The following IL20 variants were observed in gnomAD, a reference collection of about 807,000 sequenced individuals.
The protein encoded by IL20 is interleukin-20.
IL20 carries 22 observed loss-of-function variants against 19.2 expected under a neutral mutation model. The observed-to-expected ratio is 1.15, with a 90% CI of 0.82 to 1.64. The LOEUF (loss-of-function observed/expected upper bound fraction) is 1.64. IL20 is among the 40% of genes most tolerant of loss of function. The probability of loss-of-function intolerance (pLI) is 0.00; values close to 1 mark genes in which losing one functional copy is unlikely to be tolerated. For synonymous variants in IL20, 70 were observed against 76.2 expected, an observed-to-expected ratio of 0.92 and a Z score of 0.43; for missense variants, 215 against 212.8, an observed-to-expected ratio of 1.01 and a Z score of -0.06.
chr1:206,866,495 A>G lies in IL20; in HGVS notation c.237A>G (p.Arg79=). ...ESLQDTKPAN[R]CCLLRHLLRL... ...GTGGTTTTTTGCAGCCTGCGAATCG[A>G]TGCTGCCTCCTGCGCCATTTGCTAA... Residue 79 remains arginine (R), a synonymous_variant, in exon 4 of 6, where the codon CGA becomes CGG. Coordinates refer to ENST00000367098, the MANE Select transcript of IL20 (RefSeq NM_018724.4). 6.2e-7 allele frequency: 1 copy of G among 1,614,006 alleles called. No individual in the cohort carries two copies. The highest frequency in any genetic ancestry group is 8.5e-7 in the Non-Finnish European group (1 of 1,179,982).
upstream of IL20, among the ~76,000 whole-genome samples, chr1:206,865,072 G>T (rs968256597): frequency 6.6e-6 from 1 of 152,144 alleles, no homozygotes; most frequent in African/African-American, 2.4e-5. The surrounding 1 kb of genome is among the most constrained non-coding windows in gnomAD (Gnocchi z 4.1). Flanking sequence ...GTGTACTCTC[G>T]AATCCACCCA....
upstream of IL20, among the ~76,000 whole-genome samples, chr1:206,864,174 C>T (rs532167112): frequency 2.6e-5 from 4 of 152,242 alleles, no homozygotes; most frequent in South Asian, 2.1e-4. Flanking sequence ...ACTAGTAAAG[C>T]GAGGATTTAT....
Position 206,865,858 on chromosome 1 carries a change from AG to A in IL20, c.7del (p.Ala3ProfsTer23), listed in dbSNP as rs1677528576. The A allele has an allele frequency of 6.2e-7, 1 of 1,613,868 alleles. No homozygotes were observed. The highest frequency in any genetic ancestry group is 1.7e-5 in the Admixed American group (1 of 59,976). MK[A>X]SSLAFSLLSA... ...CTCCAGATTTCAGGCCTAAGATGAA[AG>A]CCTCTAGTCTTGCCTTCAGCCTTCT... On this transcript the variant is annotated frameshift_variant, in exon 2 of 6. Transcript: ENST00000367098. LOFTEE classifies it high-confidence loss of function. This position sits in a 1 kb window ranked among gnomAD's most constrained non-coding sequence, Gnocchi z 4.1.
chr1:206,864,520 T>C (rs1171397031), upstream of IL20, among the ~76,000 whole-genome samples: 1 of 152,132 alleles, frequency 6.6e-6, no homozygotes, highest in African/African-American at 2.4e-5. Context: ...GTAGGTTTAT[T>C]ACGACTCATG....
chr1:206,868,679 G>T lies in IL20; in HGVS notation c.*115G>T. 1 of 570,192 alleles carries T rather than the reference G, an allele frequency of 1.8e-6. No individual in the cohort carries two copies. Among genetic ancestry groups the T allele is most frequent in the Non-Finnish European group, 2.8e-6 (1 of 356,916 alleles). 35.3% of individuals were successfully genotyped at this position (570,192 alleles called of 1,614,324 possible). On this transcript the variant is annotated 3_prime_UTR_variant, in exon 6 of 6. Coordinates refer to ENST00000367098, the MANE Select transcript of IL20 (RefSeq NM_018724.4). ...CTCTTTACTGTACTAGTCTTGTGCT[G>T]GTCACAGTGTATCTTATTTATGCAT...
Position 206,865,835 on chromosome 1 carries a change from C to T in IL20, c.-18C>T. 6.2e-7 allele frequency: 1 copy of T among 1,612,712 alleles called. No individual in the cohort carries two copies. Among genetic ancestry groups the T allele is most frequent in the Non-Finnish European group, 8.5e-7 (1 of 1,179,256 alleles). ...TTTGAATTCCTAGCTCCTGTGGTCT[C>T]CAGATTTCAGGCCTAAGATGAAAGC... On this transcript the variant is annotated 5_prime_UTR_variant, in exon 2 of 6. Transcript: ENST00000367098. This position sits in a 1 kb window ranked among gnomAD's most constrained non-coding sequence, Gnocchi z 4.1.
chr1:206,865,783 G>A lies in IL20; in HGVS notation c.-30-40G>A. The A allele has an allele frequency of 6.3e-7, 1 of 1,583,698 alleles. No homozygotes were observed. The highest frequency in any genetic ancestry group is 1.2e-5 in the South Asian group (1 of 86,264). Reference sequence around the variant, plus strand: ...TCACCCCGTGGACACTTGGAGGAGGGGAAACTCAGTAAGTCATGCTCTCTT... The same window carrying A: ...TCACCCCGTGGACACTTGGAGGAGGAGAAACTCAGTAAGTCATGCTCTCTT... On this transcript the variant is annotated intron_variant, in intron 1 of 5. Transcript: ENST00000367098. The surrounding 1 kb of genome is among the most constrained non-coding windows in gnomAD (Gnocchi z 4.1).
chr1:206,867,676 G>A (rs911703445), intron 5 of IL20, among the ~76,000 whole-genome samples: 4 of 152,120 alleles, frequency 2.6e-5, no homozygotes, highest in Non-Finnish European at 5.9e-5. Context: ...AAAGGGAATG[G>A]CCATGATTCC....
Position 206,868,377 on chromosome 1 carries a change from A to G in IL20, c.454-110A>G, listed in dbSNP as rs573396259. On this transcript the variant is annotated intron_variant, in intron 5 of 5. Coordinates refer to ENST00000367098, the MANE Select transcript of IL20 (RefSeq NM_018724.4). ...AACTTCTTTAAGTGCTTCATCTTGA[A>G]AAGAATGCTCTGCTTACAATTGTCA... The G allele has an allele frequency of 1.3e-4, 72 of 559,638 alleles. No individual in the cohort carries two copies. The African/African-American group carries it at 1.3e-3, about 10-fold the overall frequency. 34.7% of individuals were successfully genotyped at this position (559,638 alleles called of 1,614,324 possible).
In IL20 at chr1:206,866,577, C is replaced by T. The variant is rs373331152; in HGVS notation, c.319C>T (p.Arg107Trp). Residue 107 changes from arginine to tryptophan, a missense_variant, in exon 4 of 6, where the codon CGG becomes TGG. Physicochemically the swap from Arg to Trp is moderately radical, Grantham distance 101. Coordinates refer to ENST00000367098, the MANE Select transcript of IL20 (RefSeq NM_018724.4). ...CCAGACCCCTGACCATTATACTCTC[C>T]GGAAGATCAGCAGCCTCGCCAATTC... is the stretch of plus-strand genomic sequence containing the variant. Reference protein sequence around the residue: ...NYQTPDHYTLRKISSLANSFL... With the variant: ...NYQTPDHYTLWKISSLANSFL... 1.3e-4 allele frequency: 210 copies of T among 1,613,952 alleles called. 4 individuals are homozygous for T. In the South Asian group the frequency reaches 1.8e-3, roughly 14 times the overall value.
At chr1:206,867,289 T>G in intron 4 of IL20, 95 bp from the exon 5 acceptor site, 1 of 995,436 alleles carries the variant, frequency 1.0e-6, no homozygotes, top group Non-Finnish European at 1.6e-6. Context: ...ATCCTCAGGG[T>G]TGTGGGTGAA....
rs749705601 is a variant in IL20 at position 206,866,587 on chromosome 1, G to A, written c.329G>A (p.Ser110Asn). ...TPDHYTLRKISSLANSFLTIK... is the reference protein window; with the variant it reads ...TPDHYTLRKINSLANSFLTIK... ...GACCATTATACTCTCCGGAAGATCAGCAGCCTCGCCAATTCCTTTCTTACC... is the reference window on the plus strand; with the variant it reads ...GACCATTATACTCTCCGGAAGATCAACAGCCTCGCCAATTCCTTTCTTACC... The change falls in exon 4 of 6, where the codon AGC becomes AAC. Residue 110 changes from serine (S) to asparagine (N), a missense_variant. By Grantham distance (46) the Ser-to-Asn change is conservative. Transcript: ENST00000367098. The A allele has an allele frequency of 8.1e-6, 13 of 1,614,156 alleles. No homozygotes were observed. The South Asian group carries it at 1.4e-4, about 18-fold the overall frequency.
At chr1:206,864,753 T>C (rs1245439786), upstream of IL20, among the ~76,000 whole-genome samples, 1 of 152,186 alleles carries the variant, frequency 6.6e-6, no homozygotes, top group Non-Finnish European at 1.5e-5. Flanking sequence ...TTTGTCTTTA[T>C]ATAAAATTTT....
intron 4 of IL20, 100 bp downstream of exon 4, chr1:206,866,736 A>T: frequency 8.5e-7 from 1 of 1,171,414 alleles, no homozygotes; most frequent in Non-Finnish European, 1.2e-6. Context: ...GGATGGAGAA[A>T]CTGAGTCCAA....
rs1677555951 is a variant in IL20 at position 206,866,585 on chromosome 1, C to T, written c.327C>T (p.Ile109=). The change falls in exon 4 of 6, where the codon ATC becomes ATT. Residue 109 remains isoleucine (I), a synonymous_variant. Transcript: ENST00000367098. ...CTGACCATTATACTCTCCGGAAGATCAGCAGCCTCGCCAATTCCTTTCTTA... is the reference window on the plus strand; with the variant it reads ...CTGACCATTATACTCTCCGGAAGATTAGCAGCCTCGCCAATTCCTTTCTTA... ...QTPDHYTLRK[I]SSLANSFLTI... is the part of the protein sequence containing the mutation. 1 of 1,614,030 alleles carries T rather than the reference C, an allele frequency of 6.2e-7. No homozygotes were observed. The highest frequency in any genetic ancestry group is 8.5e-7 in the Non-Finnish European group (1 of 1,180,000).
At position 206,867,476 on chromosome 1, in the gene IL20, A is replaced by G. The variant is rs770415760; in HGVS notation, c.453+18A>G. On this transcript the variant is annotated intron_variant, in intron 5 of 5. Transcript: ENST00000367098. ...TTGAAAAGGTATATGCGACTTTGGC[A>G]TTGATTGGGATGGGTGTGTTTTAAG... 1 of 1,597,610 alleles carries G rather than the reference A, an allele frequency of 6.3e-7. No individual in the cohort carries two copies. Among genetic ancestry groups the G allele is most frequent in the East Asian group, 2.2e-5 (1 of 44,802 alleles).
intron 2 of IL20, 116 bp from the exon 3 acceptor site, chr1:206,866,183 T>C: frequency 1.6e-6 from 2 of 1,216,416 alleles, no homozygotes; most frequent in Non-Finnish European, 2.4e-6. Flanking sequence ...TAAAATGTTT[T>C]GGGAAAGGAC....
At chr1:206,865,576 C>T (rs1051988032), upstream of IL20, 4 of 1,201,912 alleles carry the variant, frequency 3.3e-6, no homozygotes, top group African/African-American at 6.1e-5. This position sits in a 1 kb window ranked among gnomAD's most constrained non-coding sequence, Gnocchi z 4.1. Flanking sequence ...AACGGCGGAG[C>T]CAGGATGGGG....
Position 206,865,699 on chromosome 1 carries a change from G to C in IL20, c.-31+13G>C, listed in dbSNP as rs1572588710. 1.7e-5 allele frequency: 24 copies of C among 1,400,282 alleles called. No individual in the cohort carries two copies. The East Asian group carries it at 6.0e-4, about 35-fold the overall frequency. The allele number at this position is 1,400,282 out of a possible 1,614,324, so 86.7% of individuals were successfully genotyped here. A position where few individuals can be genotyped will look rare whatever the true frequency, so the allele number is the denominator to read the frequency against. The stretch of plus-strand genomic sequence containing the variant: ...GCAGTTTTTCTTAGTAAGTTGCGTG[G>C]ATGGGCCACACTGTCTGAGGCCAGA... On this transcript the variant is annotated intron_variant, in intron 1 of 5. Transcript: ENST00000367098. The surrounding 1 kb of genome is among the most constrained non-coding windows in gnomAD (Gnocchi z 4.1).
Sources: allele counts gnomAD v4.1 joint callset (sites outside exome capture counted in the v4.1 genomes callset), GRCh38; gene constraint gnomAD v4.1.1; non-coding constraint Gnocchi (gnomAD v3.1); transcripts MANE v1.5; gene names NCBI Gene and HGNC (gene_info 2026-07-23, HGNC 2026-07-21).